The following LARGE1 variants were observed in gnomAD, a reference collection of about 807,000 sequenced individuals.
LARGE1 encodes the protein xylosyl- and glucuronyltransferase LARGE1.
LARGE1 carries 43 observed loss-of-function variants against 87.6 expected under a neutral mutation model. The observed-to-expected ratio is 0.49, with a 90% CI of 0.38 to 0.63. The LOEUF (loss-of-function observed/expected upper bound fraction) is 0.63. Ranked by LOEUF, LARGE1 falls within the 30% of genes least tolerant of loss-of-function variation. The probability of loss-of-function intolerance (pLI) is 0.00; values close to 1 mark genes in which losing one functional copy is unlikely to be tolerated. For synonymous variants in LARGE1, 434 were observed against 394.6 expected (o/e 1.10, Z -1.18); for missense variants, 802 against 1,000.2 (o/e 0.80, Z 2.67).
At chr22:33,188,250 G>A (rs137403) in intron 11 of LARGE1, among the ~76,000 whole-genome samples, 91,043 of 151,936 alleles carry the variant, frequency 0.6, 27,527 homozygotes, top group Middle Eastern at 0.66. Context: ...ACTAAGACAC[G>A]AAATTAACGA....
intron 6 of LARGE1, among the ~76,000 whole-genome samples, chr22:33,494,013 T>C (rs896840554): frequency 1.6e-4 from 24 of 152,258 alleles, no homozygotes; most frequent in African/African-American, 5.8e-4. Context: ...TGCTACTTTG[T>C]GCAAGGCGAT....
chr22:33,089,371 C>CTCCTTCTT, the LARGE1 span, among the ~76,000 whole-genome samples: 85 of 76,078 alleles, frequency 1.1e-3, 2 homozygotes, highest in East Asian at 9.1e-3. Flanking sequence ...TTCTTCTTCT[C>CTCCTTCTT]CTTCTTCTTC....
At chr22:33,599,644 C>T (rs2079065389) in intron 5 of LARGE1, among the ~76,000 whole-genome samples, 1 of 152,162 alleles carries the variant, frequency 6.6e-6, no homozygotes, top group African/African-American at 2.4e-5. Flanking sequence ...TGCACCAATC[C>T]CTCACAAATG....
chr22:33,258,881 T>C (rs1446547437), intron 11 of LARGE1, among the ~76,000 whole-genome samples: 14 of 130,662 alleles, frequency 1.1e-4, no homozygotes, highest in Non-Finnish European at 1.6e-4. Flanking sequence ...GTTTCTTCTT[T>C]TTTTTTTTTT....
chr22:33,750,425 C>G (rs528757843), intron 2 of LARGE1, among the ~76,000 whole-genome samples: 13 of 152,282 alleles, frequency 8.5e-5, no homozygotes, highest in African/African-American at 3.1e-4. Context: ...AAGCAGTAGG[C>G]GGGCCAAACC....
intron 2 of LARGE1, among the ~76,000 whole-genome samples, chr22:33,676,395 A>AAAAAAAAAAAAC: frequency 6.8e-6 from 1 of 147,414 alleles, no homozygotes; most frequent in Non-Finnish European, 1.5e-5. Context: ...AAAAAAAAAA[A>AAAAAAAAAAAAC]AAAAAAAAAG....
At chr22:33,860,630 G>A (rs901791811) in intron 1 of LARGE1, among the ~76,000 whole-genome samples, 9 of 152,142 alleles carry the variant, frequency 5.9e-5, no homozygotes, top group African/African-American at 2.2e-4. Flanking sequence ...GGTGGTGGTG[G>A]GATCAGCACC....
At chr22:33,129,658 C>T in the LARGE1 span, among the ~76,000 whole-genome samples, 3 of 142,232 alleles carry the variant, frequency 2.1e-5, no homozygotes, top group African/African-American at 7.7e-5. Context: ...TTAATTGACT[C>T]ACAGTTCTTC....
chr22:33,527,358 T>G (rs555696828), intron 6 of LARGE1, among the ~76,000 whole-genome samples: 1 of 152,254 alleles, frequency 6.6e-6, no homozygotes, highest in East Asian at 1.9e-4. Flanking sequence ...CTGAGGCAGG[T>G]GGTTCACGTA....
chr22:33,441,494 C>G (rs1001579947), intron 6 of LARGE1, among the ~76,000 whole-genome samples: 3 of 152,152 alleles, frequency 2.0e-5, no homozygotes, highest in African/African-American at 7.2e-5. Flanking sequence ...CACTATGTCA[C>G]CCAGACTGGA....
intron 3 of LARGE1, among the ~76,000 whole-genome samples, chr22:33,639,254 G>A (rs2080359432): frequency 6.6e-6 from 1 of 152,160 alleles, no homozygotes; most frequent in South Asian, 2.1e-4. Context: ...GGGAGGTTGG[G>A]TCAGCACCCA....
chr22:33,750,321 T>A (rs1346335043), intron 2 of LARGE1, among the ~76,000 whole-genome samples: 2 of 152,190 alleles, frequency 1.3e-5, no homozygotes, highest in Non-Finnish European at 2.9e-5. Context: ...GTTTTGCAGA[T>A]CTTTTCACTT....
intron 7 of LARGE1, among the ~76,000 whole-genome samples, chr22:33,417,755 T>C (rs544490940): frequency 2.0e-5 from 3 of 152,324 alleles, no homozygotes; most frequent in Admixed American, 1.3e-4. Flanking sequence ...TTCAGTTCTA[T>C]GTAGGACGGA....
chr22:33,732,015 T>C (rs2083487164), intron 2 of LARGE1, among the ~76,000 whole-genome samples: 1 of 152,240 alleles, frequency 6.6e-6, no homozygotes, highest in East Asian at 1.9e-4. Context: ...TATTCAGCTA[T>C]ACTATGTCTT....
At chr22:33,194,263 G>T (rs894159091) in intron 11 of LARGE1, among the ~76,000 whole-genome samples, 1 of 152,130 alleles carries the variant, frequency 6.6e-6, no homozygotes. Flanking sequence ...ATTAATTGCA[G>T]AAGAAAGTGC....
intron 6 of LARGE1, among the ~76,000 whole-genome samples, chr22:33,511,772 G>C (rs1312869519): frequency 4.6e-5 from 7 of 152,214 alleles, no homozygotes. Flanking sequence ...GTTATGTCAA[G>C]GTTGCTTGTT....
chr22:33,877,721 G>A (rs1032542132), intron 1 of LARGE1, among the ~76,000 whole-genome samples: 1 of 151,982 alleles, frequency 6.6e-6, no homozygotes, highest in Non-Finnish European at 1.5e-5. Context: ...TCACGAGTTC[G>A]AGACCAGCCT....
At chr22:33,849,152 C>T (rs561880208) in intron 1 of LARGE1, among the ~76,000 whole-genome samples, 1 of 152,326 alleles carries the variant, frequency 6.6e-6, no homozygotes, top group Admixed American at 6.5e-5. Flanking sequence ...AGTGTGTCAT[C>T]AGTCTCATCA....
intron 11 of LARGE1, among the ~76,000 whole-genome samples, chr22:33,184,163 TA>T (rs1923350770): frequency 6.9e-6 from 1 of 144,218 alleles, no homozygotes; most frequent in African/African-American, 2.5e-5. Context: ...TTAAATATTT[TA>T]AAATAAAAAA....
Sources: allele counts gnomAD v4.1 joint callset (sites outside exome capture counted in the v4.1 genomes callset), GRCh38; gene constraint gnomAD v4.1.1; transcripts MANE v1.5; gene names NCBI Gene and HGNC (gene_info 2026-07-23, HGNC 2026-07-21).